The following KIAA1217 variants were observed in gnomAD, a reference collection of about 807,000 sequenced individuals.
KIAA1217 encodes KIAA1217.
KIAA1217 carries 88 observed loss-of-function variants against 163.9 expected under a neutral mutation model. The ratio of observed to expected loss-of-function variants is 0.54; its 90% CI spans 0.45 to 0.64. KIAA1217 has a LOEUF of 0.64. KIAA1217 is among the 30% of genes least tolerant of loss of function. The pLI is 0.00. For missense variants in KIAA1217, 2,372 were observed against 2,475.0 expected (o/e 0.96, Z 0.88); for synonymous variants, 903 against 923.1 (o/e 0.98, Z 0.39).
intron 3 of KIAA1217, among the ~76,000 whole-genome samples, chr10:24,414,824 T>C (rs1373507326): frequency 2.0e-5 from 3 of 152,180 alleles, no homozygotes; most frequent in Non-Finnish European, 4.4e-5. Flanking sequence ...GAAGTGACTC[T>C]TAAAAGGCAG....
intron 3 of KIAA1217, among the ~76,000 whole-genome samples, chr10:24,390,814 A>G (rs2054820588): frequency 6.6e-6 from 1 of 152,192 alleles, no homozygotes; most frequent in Non-Finnish European, 1.5e-5. Context: ...TGATACAAGC[A>G]TCCCCCCAGT....
chr10:24,333,319 G>T (rs1008437511), intron 2 of KIAA1217, among the ~76,000 whole-genome samples: 7 of 152,038 alleles, frequency 4.6e-5, no homozygotes, highest in African/African-American at 1.7e-4. Flanking sequence ...GCCACCACAG[G>T]GTACTTACTG....
At chr10:24,097,186 AG>A (rs528572254) in intron 2 of KIAA1217, among the ~76,000 whole-genome samples, 53 of 152,312 alleles carry the variant, frequency 3.5e-4, no homozygotes, top group African/African-American at 1.2e-3. Context: ...TGGTGACAAT[AG>A]GAAGAGGAAA....
At chr10:23,871,656 G>T (rs757589803) in intron 1 of KIAA1217, among the ~76,000 whole-genome samples, 2 of 151,872 alleles carry the variant, frequency 1.3e-5, no homozygotes, top group Admixed American at 6.6e-5. Context: ...CACCAAAATT[G>T]ATCAATTACA....
At chr10:24,035,690 A>T (rs1438136682) in intron 2 of KIAA1217, among the ~76,000 whole-genome samples, 1 of 152,194 alleles carries the variant, frequency 6.6e-6, no homozygotes, top group Non-Finnish European at 1.5e-5. Context: ...TCCCTTATAC[A>T]TGATCTCTAT....
chr10:24,252,887 A>ATCCCAGCACTT (rs1441343068), intron 2 of KIAA1217, among the ~76,000 whole-genome samples: 3 of 151,820 alleles, frequency 2.0e-5, no homozygotes, highest in African/African-American at 4.8e-5. Flanking sequence ...CATGCTTGTA[A>ATCCCAGCACTT]TCCCAGCACT....
chr10:24,135,687 T>C (rs77876147), intron 2 of KIAA1217, among the ~76,000 whole-genome samples: 2 of 151,876 alleles, frequency 1.3e-5, no homozygotes, highest in African/African-American at 4.8e-5. Context: ...TCAAGTTAGA[T>C]GAAACAGCAC....
intron 2 of KIAA1217, among the ~76,000 whole-genome samples, chr10:24,027,907 G>A (rs985547235): frequency 6.6e-6 from 1 of 152,064 alleles, no homozygotes; most frequent in African/African-American, 2.4e-5. Context: ...TAGATTGCCT[G>A]AGTTTCAAGT....
In KIAA1217 at chr10:24,511,172, A is replaced by AAAAAAAAAAAAAAAAAG. The variant is rs1554918365; in HGVS notation, c.2002-2086_2002-2085insAAAAAAAAAAAAAAAGA. ...TGTCTCAAAAAAAAAAAAAAAAAAA[A>AAAAAAAAAAAAAAAAAG]AGGAGCCTGGCCCCTATGAAGAACT... On this transcript the variant is annotated intron_variant, in intron 9 of 20. Coordinates refer to ENST00000376454, the MANE Select transcript of KIAA1217 (RefSeq NM_019590.5). 1.1e-3 allele frequency among the ~76,000 whole-genome samples: 123 copies of AAAAAAAAAAAAAAAAAG among 115,670 alleles called. 19 individuals are homozygous for AAAAAAAAAAAAAAAAAG. The highest frequency in any genetic ancestry group is 4.4e-3 in the African/African-American group (119 of 27,114). The allele number at this position is 115,670 out of a possible 152,430, so 75.9% of individuals were successfully genotyped here.
chr10:24,157,017 T>A (rs1311595217), intron 2 of KIAA1217, among the ~76,000 whole-genome samples: 1 of 152,248 alleles, frequency 6.6e-6, no homozygotes, highest in Non-Finnish European at 1.5e-5. Flanking sequence ...TCATTTTTCT[T>A]GAATAAATCC....
At chr10:23,947,411 A>G (rs951917248) in intron 1 of KIAA1217, among the ~76,000 whole-genome samples, 2 of 152,228 alleles carry the variant, frequency 1.3e-5, no homozygotes, top group African/African-American at 4.8e-5. Flanking sequence ...TTTGACTTGC[A>G]ATTGGAGTAA....
At chr10:24,193,604 A>G (rs1398559905) in intron 2 of KIAA1217, among the ~76,000 whole-genome samples, 6 of 152,246 alleles carry the variant, frequency 3.9e-5, no homozygotes, top group Non-Finnish European at 8.8e-5. Context: ...TCTAACCTGA[A>G]CATGAACAAT....
chr10:24,258,828 C>T (rs1444437600), intron 2 of KIAA1217, among the ~76,000 whole-genome samples: 2 of 152,056 alleles, frequency 1.3e-5, no homozygotes, highest in African/African-American at 2.4e-5. Context: ...CTCCTGACCT[C>T]GTGATCCGCC....
intron 1 of KIAA1217, among the ~76,000 whole-genome samples, chr10:23,797,792 T>C (rs1221196239): frequency 6.6e-6 from 1 of 152,136 alleles, no homozygotes. Flanking sequence ...GGAATTAAAA[T>C]TCAATATGAG....
At chr10:24,453,415 T>C (rs2061532256) in intron 5 of KIAA1217, among the ~76,000 whole-genome samples, 1 of 152,232 alleles carries the variant, frequency 6.6e-6, no homozygotes, top group East Asian at 1.9e-4. Flanking sequence ...AGCTGATTAA[T>C]TGGAAATGCA....
intron 1 of KIAA1217, among the ~76,000 whole-genome samples, chr10:23,824,658 A>AAAAAAAAAAAAAAAAAAAAAAAAAAAT (rs1837805755): frequency 3.8e-5 from 2 of 53,040 alleles, no homozygotes; most frequent in Non-Finnish European, 7.1e-5. Context: ...AAATAAAAAA[A>AAAAAAAAAAAAAAAAAAAAAAAAAAAT]ATATATATAT....
Position 24,428,071 on chromosome 10 carries a change from A to G in KIAA1217, c.554-4924A>G, listed in dbSNP as rs2059311510. On this transcript the variant is annotated intron_variant, in intron 3 of 20. Transcript: ENST00000376454. ...GCCCATTTTTTTTCCTGCTCCAGAGACTACAAATTCTATTTCAAGCACACG... is the reference window on the plus strand; with the variant it reads ...GCCCATTTTTTTTCCTGCTCCAGAGGCTACAAATTCTATTTCAAGCACACG... 5.3e-5 allele frequency among the ~76,000 whole-genome samples: 8 copies of G among 152,114 alleles called. No homozygotes were observed. The South Asian group carries it at 1.7e-3, about 32-fold the overall frequency.
intron 1 of KIAA1217, among the ~76,000 whole-genome samples, chr10:23,872,429 G>A (rs1003525427): frequency 6.6e-6 from 1 of 152,032 alleles, no homozygotes; most frequent in African/African-American, 2.4e-5. Flanking sequence ...CAGCTGAGAG[G>A]CTAAGCATGC....
chr10:23,869,623 G>A (rs1291382687), intron 1 of KIAA1217, among the ~76,000 whole-genome samples: 1 of 152,046 alleles, frequency 6.6e-6, no homozygotes, highest in African/African-American at 2.4e-5. Context: ...CAGTTGTAAC[G>A]CAGATAAGTT....
Sources: allele counts gnomAD v4.1 joint callset (sites outside exome capture counted in the v4.1 genomes callset), GRCh38; gene constraint gnomAD v4.1.1; transcripts MANE v1.5; gene names NCBI Gene and HGNC (gene_info 2026-07-23, HGNC 2026-07-21).